The following SLC16A10 variants were observed in gnomAD, a reference collection of about 807,000 sequenced individuals.
SLC16A10 encodes solute carrier family 16 member 10.
In SLC16A10, 27 loss-of-function variants were observed where a neutral mutation model predicts 40.0. The ratio of observed to expected loss-of-function variants is 0.67; its 90% CI spans 0.50 to 0.93. The LOEUF is 0.93. Among genes scored for constraint, SLC16A10 ranks in the 40% least tolerant of loss-of-function variants. SLC16A10 has a pLI of 0.00. For synonymous variants in SLC16A10, 213 were observed against 249.8 expected, an observed-to-expected ratio of 0.85 and a Z score of 1.39; for missense variants, 529 against 658.2, an observed-to-expected ratio of 0.80 and a Z score of 2.15.
chr6:111,111,186 AT>A (rs899015222), intron 1 of SLC16A10, among the ~76,000 whole-genome samples: 4 of 152,050 alleles, frequency 2.6e-5, no homozygotes, highest in Admixed American at 6.6e-5. Flanking sequence ...TATGCTATAA[AT>A]TTTTTTTGTT....
chr6:111,152,394 G>C (rs1473130538), intron 1 of SLC16A10, among the ~76,000 whole-genome samples: 2 of 152,224 alleles, frequency 1.3e-5, no homozygotes, highest in African/African-American at 2.4e-5. Flanking sequence ...TACTCACAAA[G>C]TATTTGTTGA....
chr6:111,219,432 G>T (rs540361266), intron 5 of SLC16A10, among the ~76,000 whole-genome samples: 31 of 152,200 alleles, frequency 2.0e-4, no homozygotes, highest in East Asian at 1.9e-4. Flanking sequence ...AGGAGGCTGA[G>T]GTGGGGGGAT....
At chr6:111,187,027 C>T (rs1270910046) in intron 3 of SLC16A10, among the ~76,000 whole-genome samples, 1 of 152,114 alleles carries the variant, frequency 6.6e-6, no homozygotes, top group Non-Finnish European at 1.5e-5. Context: ...ATGGTAAGAA[C>T]AGTGGCAACA....
intron 3 of SLC16A10, among the ~76,000 whole-genome samples, chr6:111,192,375 GA>G (rs1171259656): frequency 2.6e-5 from 4 of 151,954 alleles, no homozygotes; most frequent in Non-Finnish European, 4.4e-5. Context: ...GACCACCTCA[GA>G]AGCCATTCAA....
At chr6:111,124,117 G>C (rs1008355523) in intron 1 of SLC16A10, among the ~76,000 whole-genome samples, 1 of 152,130 alleles carries the variant, frequency 6.6e-6, no homozygotes, top group Non-Finnish European at 1.5e-5. Flanking sequence ...TTCATCATAT[G>C]ACTTGAGATG....
chr6:111,127,746 A>G (rs73529001), intron 1 of SLC16A10, among the ~76,000 whole-genome samples: 1,845 of 152,282 alleles, frequency 0.012, 25 homozygotes, highest in African/African-American at 0.043. Flanking sequence ...CTAGTTATCT[A>G]TCATTGGATC....
Position 111,228,475 on chromosome 6 carries a change from A to G in SLC16A10, c.*6240A>G, listed in dbSNP as rs1771048003. The G allele has an allele frequency of 6.6e-6, 1 of 152,210 alleles. No homozygotes were observed. The highest frequency in any genetic ancestry group is 1.5e-5 in the Non-Finnish European group (1 of 68,024). 9.4% of individuals were successfully genotyped at this position (152,210 alleles called of 1,614,324 possible). On this transcript the variant is annotated 3_prime_UTR_variant, in exon 6 of 6. Transcript: ENST00000368851. ...ATTTTGGAGTTCAATGTCCCTAAACATGTATGCGATAGGAACTACCAATAT... is the reference window on the plus strand; with the variant it reads ...ATTTTGGAGTTCAATGTCCCTAAACGTGTATGCGATAGGAACTACCAATAT...
chr6:111,128,234 G>C (rs1411538041), intron 1 of SLC16A10, among the ~76,000 whole-genome samples: 2 of 152,016 alleles, frequency 1.3e-5, no homozygotes, highest in African/African-American at 4.8e-5. Context: ...GAGTGCTTAC[G>C]AAGAGCCAGT....
At position 111,177,383 on chromosome 6, in the gene SLC16A10, C is replaced by G; in HGVS notation, c.660C>G (p.Leu220=). 1 of 1,613,936 alleles carries G rather than the reference C, an allele frequency of 6.2e-7. No individual in the cohort carries two copies. Among genetic ancestry groups the G allele is most frequent in the Non-Finnish European group, 8.5e-7 (1 of 1,179,966 alleles). The change falls in exon 3 of 6, where the codon CTC becomes CTG. Residue 220 remains leucine (L), a synonymous_variant. Coordinates refer to ENST00000368851, the MANE Select transcript of SLC16A10 (RefSeq NM_018593.5). ...SSVFTILLPL[L]LRVLIDSVGL... is the part of the protein sequence containing the mutation. ...TCTTCACAATCCTGCTGCCTTTGCT[C>G]TTAAGGGTTCTGATTGACAGCGTGG...
rs1770898242 is a variant in SLC16A10, at chr6:111,087,925, C to T, written c.173C>T (p.Pro58Leu). The change falls in exon 1 of 6, where the codon CCC (proline) becomes CTC (leucine). Residue 58 changes from proline to leucine, a missense_variant. Pro to Leu is a moderately conservative substitution (Grantham distance 98). Coordinates refer to ENST00000368851, the MANE Select transcript of SLC16A10 (RefSeq NM_018593.5). The stretch of plus-strand genomic sequence containing the variant: ...CTGGCGGGGCCGGCGACCGCGGAGC[C>T]CCATGAGCCCCCCGAACCCCCCGAG... Reference protein sequence around the residue: ...VELAGPATAEPHEPPEPPEGG... With the variant: ...VELAGPATAELHEPPEPPEGG... 3 of 1,600,384 alleles carry T rather than the reference C, an allele frequency of 1.9e-6. No individual in the cohort carries two copies. The highest frequency in any genetic ancestry group is 1.3e-5 in the African/African-American group (1 of 74,162).
Position 111,210,793 on chromosome 6 carries a change from T to C in SLC16A10, c.1086+4058T>C, listed in dbSNP as rs577019624. 2.2e-4 allele frequency among the ~76,000 whole-genome samples: 34 copies of C among 152,160 alleles called. No homozygotes were observed. In the South Asian group the frequency reaches 6.6e-3, roughly 30 times the overall value. On this transcript the variant is annotated intron_variant, in intron 4 of 5. Coordinates refer to ENST00000368851, the MANE Select transcript of SLC16A10 (RefSeq NM_018593.5). ...GGTTCACGCCTGTAACCCCAGCACT[T>C]TGAGAGGCCAAGGCTGGCGGATCAC...
intron 3 of SLC16A10, among the ~76,000 whole-genome samples, chr6:111,192,511 C>T (rs1360288357): frequency 6.6e-6 from 1 of 152,178 alleles, no homozygotes; most frequent in Non-Finnish European, 1.5e-5. Context: ...ACTGTTCCAA[C>T]CTCTGCCTGT....
At chr6:111,155,018 A>G (rs532742350) in intron 1 of SLC16A10, among the ~76,000 whole-genome samples, 29 of 121,578 alleles carry the variant, frequency 2.4e-4, no homozygotes, top group Non-Finnish European at 4.5e-4. Flanking sequence ...ACAAGACTCC[A>G]TCTCAAAAAA....
At chr6:111,123,195 C>G (rs1372560006) in intron 1 of SLC16A10, among the ~76,000 whole-genome samples, 1 of 152,152 alleles carries the variant, frequency 6.6e-6, no homozygotes, top group South Asian at 2.1e-4. Context: ...TCCATAGTCA[C>G]TTGGCTTTTG....
chr6:111,100,982 CTCTCTCTCTCTATA>C (rs1318186394), intron 1 of SLC16A10, among the ~76,000 whole-genome samples: 1,569 of 116,486 alleles, frequency 0.013, 15 homozygotes, highest in African/African-American at 0.042. Context: ...CTCTCTCTCT[CTCTCTCTCTCTATA>C]TATATATATA....
At chr6:111,094,503 A>G (rs1432320014) in intron 1 of SLC16A10, among the ~76,000 whole-genome samples, 2 of 152,182 alleles carry the variant, frequency 1.3e-5, no homozygotes, top group Admixed American at 6.5e-5. Context: ...CCTGGAATGT[A>G]TCTTAGCTTC....
chr6:111,123,927 A>T (rs960140928), intron 1 of SLC16A10, among the ~76,000 whole-genome samples: 2 of 152,112 alleles, frequency 1.3e-5, no homozygotes, highest in African/African-American at 4.8e-5. Flanking sequence ...TAAAATTTTC[A>T]AGAATCCCCA....
chr6:111,177,689 A>T (rs749699852), intron 3 of SLC16A10, 24 bp downstream of exon 3: 1 of 1,488,632 alleles, frequency 6.7e-7, no homozygotes, highest in Non-Finnish European at 8.9e-7. Context: ...TTCACTGATC[A>T]TGAATATTAC....
chr6:111,103,783 C>G (rs73765920), intron 1 of SLC16A10, among the ~76,000 whole-genome samples: 1 of 152,162 alleles, frequency 6.6e-6, no homozygotes, highest in Admixed American at 6.5e-5. Context: ...CTCAGCATAT[C>G]TAACAGAAGA....
Sources: gnomAD v4.1 joint callset for allele counts (sites outside exome capture counted in the v4.1 genomes callset) on GRCh38, gnomAD v4.1.1 for gene constraint, MANE v1.5 for transcripts, NCBI Gene and HGNC (gene_info 2026-07-23, HGNC 2026-07-21) for gene names.